The following LRMDA variants were observed in gnomAD, a reference collection of about 807,000 sequenced individuals.
LRMDA encodes leucine-rich melanocyte differentiation-associated protein.
LRMDA carries 18 observed loss-of-function variants against 29.8 expected under a neutral mutation model. The ratio of observed to expected loss-of-function variants is 0.60; its 90% CI spans 0.42 to 0.90. The LOEUF is 0.90. LRMDA is among the 40% of genes least tolerant of loss of function. LRMDA has a pLI of 0.00. For missense variants in LRMDA, 273 were observed against 273.9 expected, an observed-to-expected ratio of 1.00 and a Z score of 0.02; for synonymous variants, 125 against 109.4, an observed-to-expected ratio of 1.14 and a Z score of -0.89.
At chr10:75,657,910 G>A (rs1255074329) in intron 2 of LRMDA, among the ~76,000 whole-genome samples, 8 of 152,092 alleles carry the variant, frequency 5.3e-5, no homozygotes, top group African/African-American at 1.9e-4. Flanking sequence ...CTATCAGTGT[G>A]TATGCTCTGC....
At chr10:75,672,559 C>T (rs2132144863) in intron 2 of LRMDA, among the ~76,000 whole-genome samples, 1 of 17,402 alleles carries the variant, frequency 5.7e-5, no homozygotes, top group African/African-American at 3.0e-4. Flanking sequence ...CCCTCCCCTC[C>T]CCTCCCCTTC....
chr10:76,205,337 T>G (rs74575273), intron 5 of LRMDA, among the ~76,000 whole-genome samples: 1,919 of 152,258 alleles, frequency 0.013, 49 homozygotes, highest in African/African-American at 0.041. Context: ...TGGATTCAAT[T>G]CTTAAAACAG....
intron 2 of LRMDA, among the ~76,000 whole-genome samples, chr10:75,711,182 A>G (rs949245816): frequency 6.6e-6 from 1 of 152,170 alleles, no homozygotes; most frequent in African/African-American, 2.4e-5. Context: ...TTAAATTAGA[A>G]AGAAGCTTTT....
intron 5 of LRMDA, among the ~76,000 whole-genome samples, chr10:76,133,651 A>G (rs1401815796): frequency 1.3e-5 from 2 of 152,234 alleles, no homozygotes; most frequent in African/African-American, 4.8e-5. Flanking sequence ...CTGACAGCAG[A>G]TTTAATTCTT....
chr10:75,436,766 G>T (rs980642102), intron 1 of LRMDA, among the ~76,000 whole-genome samples: 2 of 152,120 alleles, frequency 1.3e-5, no homozygotes, highest in Non-Finnish European at 2.9e-5. Context: ...ACCGCGCCTG[G>T]CCAAGAAGCT....
At chr10:75,833,475 C>T (rs1844381307) in intron 2 of LRMDA, among the ~76,000 whole-genome samples, 1 of 151,922 alleles carries the variant, frequency 6.6e-6, no homozygotes, top group Non-Finnish European at 1.5e-5. Context: ...GCTTAGTTTC[C>T]CATTGCTGCT....
intron 6 of LRMDA, among the ~76,000 whole-genome samples, chr10:76,327,017 A>G (rs542541619): frequency 5.5e-4 from 84 of 152,014 alleles, no homozygotes; most frequent in South Asian, 3.5e-3. Context: ...TTTGTATGAT[A>G]GAGGTCAGGT....
intron 5 of LRMDA, among the ~76,000 whole-genome samples, chr10:76,090,049 G>A (rs1230684452): frequency 1.3e-5 from 2 of 152,186 alleles, no homozygotes; most frequent in African/African-American, 4.8e-5. Context: ...GGCAATGTCA[G>A]CAGTGGAAAA....
chr10:76,080,340 T>C (rs1366428021), intron 5 of LRMDA, among the ~76,000 whole-genome samples: 1 of 152,244 alleles, frequency 6.6e-6, no homozygotes, highest in Non-Finnish European at 1.5e-5. Flanking sequence ...GTATCTCATC[T>C]ACCTTCTGTT....
chr10:76,203,888 G>A (rs537682359), intron 5 of LRMDA, among the ~76,000 whole-genome samples: 2 of 141,026 alleles, frequency 1.4e-5, no homozygotes, highest in African/African-American at 5.4e-5. Context: ...TCTATCTCAT[G>A]TGGCCATCTA....
At chr10:75,501,180 C>T (rs1331711906) in intron 2 of LRMDA, among the ~76,000 whole-genome samples, 1 of 151,964 alleles carries the variant, frequency 6.6e-6, no homozygotes, top group Admixed American at 6.6e-5. Context: ...TTTTTTCCCA[C>T]CTATTACCCC....
At chr10:76,366,257 G>GT (rs1841391088) in intron 6 of LRMDA, among the ~76,000 whole-genome samples, 1 of 152,080 alleles carries the variant, frequency 6.6e-6, no homozygotes, top group Non-Finnish European at 1.5e-5. Context: ...TTTTAGAATT[G>GT]TTTTTTCTAA....
intron 5 of LRMDA, among the ~76,000 whole-genome samples, chr10:76,213,474 T>C (rs1291517809): frequency 6.6e-6 from 1 of 152,264 alleles, no homozygotes; most frequent in Non-Finnish European, 1.5e-5. Flanking sequence ...GGCACAGTTA[T>C]AGACTTGGTG....
At chr10:75,680,532 C>T (rs1220958743) in intron 2 of LRMDA, among the ~76,000 whole-genome samples, 8 of 152,044 alleles carry the variant, frequency 5.3e-5, no homozygotes, top group Non-Finnish European at 1.5e-5. Flanking sequence ...TACTCCAGCA[C>T]ATCTCAAACC....
intron 5 of LRMDA, among the ~76,000 whole-genome samples, chr10:76,072,894 G>A (rs1323280771): frequency 1.3e-5 from 2 of 152,212 alleles, no homozygotes; most frequent in African/African-American, 4.8e-5. Flanking sequence ...CCTTTCTGTG[G>A]AGTAGTCTTG....
chr10:75,786,661 A>T (rs1356192212), intron 2 of LRMDA, among the ~76,000 whole-genome samples: 1 of 152,106 alleles, frequency 6.6e-6, no homozygotes, highest in African/African-American at 2.4e-5. Flanking sequence ...TCTTCTTTCC[A>T]GGAAGAATTT....
chr10:76,308,731 C>T (rs1289642107), intron 5 of LRMDA, among the ~76,000 whole-genome samples: 1 of 152,202 alleles, frequency 6.6e-6, no homozygotes, highest in Non-Finnish European at 1.5e-5. Context: ...AACCTCTCCC[C>T]ATAGTTCTGT....
intron 6 of LRMDA, among the ~76,000 whole-genome samples, chr10:76,373,391 A>T (rs1841478377): frequency 6.6e-6 from 1 of 152,110 alleles, no homozygotes; most frequent in African/African-American, 2.4e-5. Flanking sequence ...AAAAGATAAG[A>T]TTATAATAAT....
At position 75,842,434 on chromosome 10, in the gene LRMDA, T is replaced by G. The variant is rs570196688; in HGVS notation, c.132-193574T>G. Reference sequence around the variant, plus strand: ...CCTGAAATATTTACTCTCTGGTCCTTTACAGAAAGTGTTTGCTGACCTCTG... The same window carrying G: ...CCTGAAATATTTACTCTCTGGTCCTGTACAGAAAGTGTTTGCTGACCTCTG... On this transcript the variant is annotated intron_variant, in intron 2 of 6. Coordinates refer to ENST00000611255, the MANE Select transcript of LRMDA (RefSeq NM_001305581.2). 2.8e-4 allele frequency among the ~76,000 whole-genome samples: 43 copies of G among 152,336 alleles called. 1 individual carries two copies. In the South Asian group the frequency reaches 8.7e-3, roughly 31 times the overall value.
Sources: allele counts gnomAD v4.1 joint callset (sites outside exome capture counted in the v4.1 genomes callset), GRCh38; gene constraint gnomAD v4.1.1; transcripts MANE v1.5; gene names NCBI Gene and HGNC (gene_info 2026-07-23, HGNC 2026-07-21).